SEMA3A: variants seen among roughly 807,000 people sequenced by gnomAD.
SEMA3A encodes semaphorin-3A.
Under a neutral mutation model 97.9 loss-of-function variants are expected in SEMA3A, and 29 were observed. That is an observed-to-expected ratio of 0.30 (90% CI 0.22 to 0.40). SEMA3A has a LOEUF of 0.40. Among genes scored for constraint, SEMA3A ranks in the 10% least tolerant of loss-of-function variants. The pLI is 1.00. For synonymous variants in SEMA3A, 321 were observed against 323.7 expected, an observed-to-expected ratio of 0.99 and a Z score of 0.09; for missense variants, 763 against 951.3, an observed-to-expected ratio of 0.80 and a Z score of 2.60.
At chr7:84,275,098 G>A (rs1027969147) in intron 3 of SEMA3A, among the ~76,000 whole-genome samples, 2 of 152,016 alleles carry the variant, frequency 1.3e-5, no homozygotes, top group Non-Finnish European at 2.9e-5. Context: ...ATGACTTTCT[G>A]TAAGGATTGA....
chr7:84,051,494 T>C (rs1792651258), intron 5 of SEMA3A, among the ~76,000 whole-genome samples: 2 of 152,184 alleles, frequency 1.3e-5, no homozygotes, highest in African/African-American at 2.4e-5. Flanking sequence ...AGTTCACTCA[T>C]GATTTGGCTC....
At chr7:84,462,771 A>G (rs1052384111) in intron 1 of SEMA3A, among the ~76,000 whole-genome samples, 16 of 152,312 alleles carry the variant, frequency 1.1e-4, no homozygotes, top group African/African-American at 3.6e-4. Context: ...GTTTAGTGAA[A>G]AATTGTCGAG....
At chr7:84,231,725 C>T (rs1799120178) in intron 3 of SEMA3A, among the ~76,000 whole-genome samples, 1 of 151,530 alleles carries the variant, frequency 6.6e-6, no homozygotes, top group African/African-American at 2.4e-5. Context: ...AATAAATTAG[C>T]ACCCTGAGGA....
intron 3 of SEMA3A, among the ~76,000 whole-genome samples, chr7:84,239,676 AT>A (rs1562866754): frequency 6.6e-6 from 1 of 152,152 alleles, no homozygotes; most frequent in South Asian, 2.1e-4. Context: ...TTTCTAACAT[AT>A]TTTTAAGAAT....
At chr7:84,377,036 G>A (rs946686350) in intron 1 of SEMA3A, among the ~76,000 whole-genome samples, 1 of 152,120 alleles carries the variant, frequency 6.6e-6, no homozygotes, top group Non-Finnish European at 1.5e-5. Context: ...AATCTTACAT[G>A]AGTATTTCTG....
rs375556465 is a variant in SEMA3A, at chr7:84,481,951, G to A, written c.-246+10509C>T. Among the ~76,000 whole-genome samples, 12 of 151,740 alleles carry A rather than the reference G, an allele frequency of 7.9e-5. No homozygotes were observed. The East Asian group carries it at 1.6e-3, about 20-fold the overall frequency. On this transcript the variant is annotated intron_variant, in intron 1 of 3. Coordinates refer to the SEMA3A transcript ENST00000424555. ...TGACTGTAAGTCACTAAAAAGCATCGTAAAAGTAAGACTTGTTTAAATTAG... is the reference window on the plus strand; with the variant it reads ...TGACTGTAAGTCACTAAAAAGCATCATAAAAGTAAGACTTGTTTAAATTAG...
chr7:84,466,093 T>G (rs1043998395), intron 1 of SEMA3A, among the ~76,000 whole-genome samples: 1 of 152,186 alleles, frequency 6.6e-6, no homozygotes, highest in Non-Finnish European at 1.5e-5. Flanking sequence ...CAAGTTAGTC[T>G]GTGACATAAT....
intron 4 of SEMA3A, among the ~76,000 whole-genome samples, chr7:84,062,759 G>A (rs1383213466): frequency 6.6e-6 from 1 of 152,220 alleles, no homozygotes; most frequent in African/African-American, 2.4e-5. Context: ...CACCTGGCTT[G>A]GAGGGTCCTA....
At chr7:84,086,600 TTA>T (rs1794379994) in intron 4 of SEMA3A, among the ~76,000 whole-genome samples, 9 of 141,126 alleles carry the variant, frequency 6.4e-5, no homozygotes, top group African/African-American at 1.6e-4. Context: ...TATATTATAT[TTA>T]TAATCCTCAC....
At chr7:83,987,520 G>A (rs1024335521) in intron 12 of SEMA3A, among the ~76,000 whole-genome samples, 1 of 152,108 alleles carries the variant, frequency 6.6e-6, no homozygotes, top group East Asian at 1.9e-4. Flanking sequence ...ATGTGAGGAG[G>A]CAGCTGAGGC....
At position 84,377,710 on chromosome 7, in the gene SEMA3A, A is replaced by AGAT. The variant is rs533952196; in HGVS notation, c.-245-5813_-245-5811dup. Among the ~76,000 whole-genome samples the AGAT allele has an allele frequency of 1.9e-3, 291 of 152,306 alleles. 1 individual carries two copies. Among genetic ancestry groups the AGAT allele is most frequent in the African/African-American group, 6.8e-3 (282 of 41,568 alleles). The stretch of plus-strand genomic sequence containing the variant: ...GGAATTTGAATCTTTACAGTTTGAT[A>AGAT]GATAATAAGCTTAGATTTTTATTCA... On this transcript the variant is annotated intron_variant, in intron 1 of 3. Coordinates refer to the SEMA3A transcript ENST00000424555.
At chr7:84,274,900 G>T (rs1800254931) in intron 3 of SEMA3A, among the ~76,000 whole-genome samples, 1 of 151,844 alleles carries the variant, frequency 6.6e-6, no homozygotes, top group Non-Finnish European at 1.5e-5. Context: ...AATTATAATG[G>T]CTTTATATTA....
chr7:84,208,563 A>G (rs1417835190), intron 3 of SEMA3A, among the ~76,000 whole-genome samples: 7 of 152,214 alleles, frequency 4.6e-5, no homozygotes, highest in South Asian at 2.1e-4. Flanking sequence ...AACCATCTAC[A>G]TGTCATTCAA....
intron 1 of SEMA3A, among the ~76,000 whole-genome samples, chr7:84,445,914 A>T (rs900192493): frequency 1.3e-4 from 20 of 152,092 alleles, no homozygotes; most frequent in African/African-American, 4.8e-4. Flanking sequence ...TAAAACCAAA[A>T]GTTTACCCTC....
chr7:84,398,267 A>G (rs1222387146), intron 1 of SEMA3A, among the ~76,000 whole-genome samples: 1 of 152,200 alleles, frequency 6.6e-6, no homozygotes, highest in Non-Finnish European at 1.5e-5. Context: ...TATTGTGTGT[A>G]TGCAATTTCT....
chr7:84,144,050 G>A (rs1007178867), intron 1 of SEMA3A, among the ~76,000 whole-genome samples: 1 of 150,866 alleles, frequency 6.6e-6, no homozygotes, highest in South Asian at 2.1e-4. Context: ...AGGTAAATTA[G>A]TATGAGGGCA....
chr7:84,335,300 GT>G (rs1339335156), intron 2 of SEMA3A, among the ~76,000 whole-genome samples: 1 of 152,012 alleles, frequency 6.6e-6, no homozygotes, highest in African/African-American at 2.4e-5. Context: ...AAAAACATGA[GT>G]TTTACAAATT....
chr7:84,343,841 AAAAC>A (rs1193020441), intron 2 of SEMA3A, among the ~76,000 whole-genome samples: 2 of 152,028 alleles, frequency 1.3e-5, no homozygotes, highest in East Asian at 1.9e-4. Context: ...AAAACAAAAC[AAAAC>A]AAACAAACAA....
chr7:84,229,482 C>T (rs1331816324), intron 3 of SEMA3A, among the ~76,000 whole-genome samples: 1 of 152,084 alleles, frequency 6.6e-6, no homozygotes, highest in African/African-American at 2.4e-5. Context: ...TGATTAAGCA[C>T]AACATGCCAT....
Sources: gnomAD v4.1 joint callset for allele counts (sites outside exome capture counted in the v4.1 genomes callset) on GRCh38, gnomAD v4.1.1 for gene constraint, MANE v1.5 for transcripts, NCBI Gene and HGNC (gene_info 2026-07-23, HGNC 2026-07-21) for gene names.